The following ARSJ variants were observed in gnomAD, a reference collection of about 807,000 sequenced individuals.
ARSJ encodes arylsulfatase J.
ARSJ carries 26 observed loss-of-function variants against 35.9 expected under a neutral mutation model. The ratio of observed to expected loss-of-function variants is 0.72; its 90% confidence interval spans 0.53 to 1.00. The LOEUF is 1.00. Ranked by LOEUF, ARSJ falls within the 50% of genes least tolerant of loss-of-function variation. The pLI is 0.00. For synonymous variants in ARSJ, 294 were observed against 267.6 expected, an observed-to-expected ratio of 1.10 and a Z score of -0.96; for missense variants, 667 against 723.6, an observed-to-expected ratio of 0.92 and a Z score of 0.90.
chr4:113,971,972 C>T lies in ARSJ; in HGVS notation c.398+6465G>A, dbSNP rs112947807. On this transcript the variant is annotated intron_variant, in intron 1 of 1. Transcript: ENST00000315366. ...CCCTAAGCTTACTTGACTCCTTCTCCTATCAGAGTGGCTGAAAGAATTCAG... is the reference window on the plus strand; with the variant it reads ...CCCTAAGCTTACTTGACTCCTTCTCTTATCAGAGTGGCTGAAAGAATTCAG... Among the ~76,000 whole-genome samples the T allele has an allele frequency of 7.5e-3, 1,144 of 152,306 alleles. 11 individuals carry two copies. Among genetic ancestry groups the T allele is most frequent in the African/African-American group, 0.026 (1,071 of 41,552 alleles).
chr4:113,930,170 T>A (rs573321421), intron 1 of ARSJ, among the ~76,000 whole-genome samples: 1 of 152,108 alleles, frequency 6.6e-6, no homozygotes, highest in South Asian at 2.1e-4. Context: ...CTAATAGAAA[T>A]GGGAGTTTAG....
intron 1 of ARSJ, among the ~76,000 whole-genome samples, chr4:113,938,503 C>A (rs544869605): frequency 6.3e-4 from 96 of 151,968 alleles, no homozygotes; most frequent in African/African-American, 2.3e-3. Context: ...ATGAAAACAT[C>A]AAAAACAATT....
chr4:113,940,128 T>G (rs547526009), intron 1 of ARSJ, among the ~76,000 whole-genome samples: 2 of 152,044 alleles, frequency 1.3e-5, no homozygotes, highest in South Asian at 4.1e-4. Flanking sequence ...CCCCAGCAAT[T>G]TCATTGCTGG....
chr4:113,903,889 T>C (rs1180849878), intron 1 of ARSJ, among the ~76,000 whole-genome samples: 2 of 152,242 alleles, frequency 1.3e-5, no homozygotes. Flanking sequence ...CATTTCAATC[T>C]AAGCCAGTAC....
chr4:113,970,401 T>G (rs893979899), intron 1 of ARSJ: 5 of 152,214 alleles, frequency 3.3e-5, no homozygotes, highest in Non-Finnish European at 7.3e-5. Context: ...CTCTAAAATT[T>G]TCATATGCCA....
intron 1 of ARSJ, among the ~76,000 whole-genome samples, chr4:113,928,564 G>A (rs914983671): frequency 2.0e-5 from 3 of 152,240 alleles, no homozygotes; most frequent in Admixed American, 6.5e-5. Context: ...AGGTCTACAT[G>A]AGTCAGGCCA....
Position 113,931,522 on chromosome 4 carries a change from T to C in ARSJ, c.399-27847A>G, listed in dbSNP as rs570859288. Among the ~76,000 whole-genome samples the C allele has an allele frequency of 8.7e-4, 133 of 152,248 alleles. No individual in the cohort carries two copies. In the Middle Eastern group the frequency reaches 0.017, roughly 19 times the overall value. On this transcript the variant is annotated intron_variant, in intron 1 of 1. Coordinates refer to ENST00000315366, the MANE Select transcript of ARSJ (RefSeq NM_024590.4). ...GTAATCTCCCATACTCCATGCCTCA[T>C]TTTATGTTACTAGTATTTCTATAAC... is the stretch of plus-strand genomic sequence containing the variant.
At chr4:113,917,557 A>G (rs1280723246) in intron 1 of ARSJ, among the ~76,000 whole-genome samples, 2 of 152,198 alleles carry the variant, frequency 1.3e-5, no homozygotes, top group East Asian at 3.8e-4. Context: ...CACAAGCTAA[A>G]AATAAATCAT....
intron 1 of ARSJ, among the ~76,000 whole-genome samples, chr4:113,968,490 G>A (rs920662489): frequency 1.8e-4 from 28 of 152,156 alleles, no homozygotes; most frequent in Non-Finnish European, 2.9e-5. Context: ...GCATTGGTGA[G>A]GAGATGAGGG....
chr4:113,919,988 T>C (rs1284854609), intron 1 of ARSJ, among the ~76,000 whole-genome samples: 1 of 152,034 alleles, frequency 6.6e-6, no homozygotes, highest in Non-Finnish European at 1.5e-5. Context: ...GCTGCTTCTA[T>C]AGAAATAAAG....
At chr4:113,909,401 C>T (rs556254054) in intron 1 of ARSJ, among the ~76,000 whole-genome samples, 6 of 152,270 alleles carry the variant, frequency 3.9e-5, no homozygotes, top group African/African-American at 1.4e-4. Flanking sequence ...AAACGAAGTG[C>T]TAGATGACCT....
intron 1 of ARSJ, among the ~76,000 whole-genome samples, chr4:113,916,059 C>A (rs2149255414): frequency 6.6e-6 from 1 of 152,294 alleles, no homozygotes; most frequent in African/African-American, 2.4e-5. Flanking sequence ...AGGGTTGAAT[C>A]CATAGCCCAA....
intron 1 of ARSJ, among the ~76,000 whole-genome samples, chr4:113,976,512 C>G (rs1594529934): frequency 6.6e-6 from 1 of 152,136 alleles, no homozygotes; most frequent in South Asian, 2.1e-4. Context: ...AAATTCAAAA[C>G]ATTGCAACCT....
In ARSJ at chr4:113,978,731, A is replaced by T. The variant is rs752176175; in HGVS notation, c.104T>A (p.Ile35Asn). 7 of 1,614,214 alleles carry T rather than the reference A, an allele frequency of 4.3e-6. No homozygotes were observed. In the South Asian group the frequency reaches 4.4e-5, roughly 10 times the overall value. ...LAMGALAGFW[I>N]LCLLTYGYLS... ...GTAACCATAAGTGAGGAGGCAGAGG[A>T]TCCAGAATCCTGCCAGCGCCCCCAT... The change falls in exon 1 of 2, where the codon ATC becomes AAC. Residue 35 changes from isoleucine to asparagine, a missense_variant. Coordinates refer to ENST00000315366, the MANE Select transcript of ARSJ (RefSeq NM_024590.4).
intron 1 of ARSJ, among the ~76,000 whole-genome samples, chr4:113,972,311 A>C (rs1050304700): frequency 2.7e-5 from 4 of 149,854 alleles, no homozygotes; most frequent in Middle Eastern, 3.4e-3. Context: ...AAAAAACAAA[A>C]AAAAAAACCC....
chr4:113,923,789 G>A (rs1723833225), intron 1 of ARSJ, among the ~76,000 whole-genome samples: 1 of 151,122 alleles, frequency 6.6e-6, no homozygotes, highest in Non-Finnish European at 1.5e-5. Context: ...GTACTGTATT[G>A]GATAGTGAAG....
At chr4:113,951,219 T>C (rs1036247549) in intron 1 of ARSJ, among the ~76,000 whole-genome samples, 7 of 152,094 alleles carry the variant, frequency 4.6e-5, no homozygotes, top group African/African-American at 1.7e-4. Context: ...AAGGTTCTCA[T>C]TTGGATTAAT....
At chr4:113,933,623 G>GA (rs1166420714) in intron 1 of ARSJ, among the ~76,000 whole-genome samples, 1 of 151,504 alleles carries the variant, frequency 6.6e-6, no homozygotes, top group East Asian at 1.9e-4. Flanking sequence ...ACAGAAGCAA[G>GA]AAAAAAACCC....
intron 1 of ARSJ, among the ~76,000 whole-genome samples, chr4:113,966,969 G>A (rs557814594): frequency 4.7e-4 from 71 of 152,194 alleles, no homozygotes; most frequent in African/African-American, 1.7e-3. Flanking sequence ...AGCATATCAT[G>A]GTATCTCCTC....
Sources: allele counts gnomAD v4.1 joint callset (sites outside exome capture counted in the v4.1 genomes callset), GRCh38; gene constraint gnomAD v4.1.1; transcripts MANE v1.5; gene names NCBI Gene and HGNC (gene_info 2026-07-23, HGNC 2026-07-21).